The following FADS2 variants were observed in gnomAD, a reference collection of about 807,000 sequenced individuals.
FADS2 encodes the protein fatty acid desaturase 2, also known as acyl-CoA 6-desaturase.
In FADS2, 18 loss-of-function variants were observed where a neutral mutation model predicts 61.2. That is an observed-to-expected ratio of 0.29 (90% CI 0.20 to 0.44). FADS2 has a LOEUF of 0.44. Among genes scored for constraint, FADS2 ranks in the 20% least tolerant of loss-of-function variants. The pLI is 1.00. For synonymous variants in FADS2, 203 were observed against 223.9 expected, an observed-to-expected ratio of 0.91 and a Z score of 0.83; for missense variants, 322 against 572.7, an observed-to-expected ratio of 0.56 and a Z score of 4.47.
chr11:61,821,508 A>G, intron 1 of FADS2: 1 of 690,582 alleles, frequency 1.4e-6, no homozygotes, highest in East Asian at 2.7e-5. Context: ...AAAGATCCTA[A>G]ACATAATAGT....
chr11:61,825,397 C>T (rs1235898597), upstream of FADS2, among the ~76,000 whole-genome samples: 2 of 151,940 alleles, frequency 1.3e-5, no homozygotes, highest in African/African-American at 2.4e-5. Context: ...GTGGGCAGAT[C>T]ACCTGAGGTC....
At chr11:61,856,788 G>A (rs1481228288) in intron 5 of FADS2, 6 of 569,188 alleles carry the variant, frequency 1.1e-5, no homozygotes, top group African/African-American at 3.7e-5. Flanking sequence ...GCCAGTGCTC[G>A]GCTAGGGCTG....
At chr11:61,824,487 AGAGAAAGAAAGAAAG>A (rs1565325397), upstream of FADS2, among the ~76,000 whole-genome samples, 23 of 9,518 alleles carry the variant, frequency 2.4e-3, no homozygotes, top group Non-Finnish European at 0.015. Context: ...AGAGAGAGAG[AGAGAAAGAAAGAAAG>A]GAAAGAAAGA....
Position 61,816,271 on chromosome 11 carries a change from G to A in FADS2, c.-15G>A, listed in dbSNP as rs772868674. On this transcript the variant is annotated 5_prime_UTR_variant, in exon 1 of 12. Coordinates refer to the FADS2 transcript ENST00000257261. This position sits in a 1 kb window ranked among gnomAD's most constrained non-coding sequence, Gnocchi z 7.0. ...GTCCCCGCCCAGAGACCTGAGGCTCGGGGCTGCAGATGGAATGCACGGCAG... is the reference window on the plus strand; with the variant it reads ...GTCCCCGCCCAGAGACCTGAGGCTCAGGGCTGCAGATGGAATGCACGGCAG... 5.6e-6 allele frequency: 9 copies of A among 1,598,046 alleles called. No homozygotes were observed. The African/African-American group carries it at 1.2e-4, about 21-fold the overall frequency.
At chr11:61,819,019 C>T (rs953858005) in intron 1 of FADS2, among the ~76,000 whole-genome samples, 4 of 151,880 alleles carry the variant, frequency 2.6e-5, no homozygotes, top group African/African-American at 9.7e-5. Context: ...TACAGGTGCC[C>T]GCCACCACGC....
chr11:61,824,475 AGAG>A (rs2067060959), upstream of FADS2, among the ~76,000 whole-genome samples: 1 of 6,534 alleles, frequency 1.5e-4, no homozygotes, highest in African/African-American at 1.8e-4. Context: ...AGAGAGAGAG[AGAG>A]AGAGAGAGAG....
rs1294474099 is a variant in FADS2 at position 61,865,091 on chromosome 11, G to A, written c.1158-61G>A. On this transcript the variant is annotated intron_variant, in intron 10 of 11. Transcript: ENST00000278840. The surrounding 1 kb of genome is among the most constrained non-coding windows in gnomAD (Gnocchi z 4.1). ...CCAGCCTCTGCCCAGGTGGTGGGAGGAAGCGGGAGCAGCATGGCCCTCTGA... is the reference window on the plus strand; with the variant it reads ...CCAGCCTCTGCCCAGGTGGTGGGAGAAAGCGGGAGCAGCATGGCCCTCTGA... The A allele has an allele frequency of 2.7e-5, 42 of 1,565,414 alleles. No homozygotes were observed. Among genetic ancestry groups the A allele is most frequent in the Non-Finnish European group, 3.4e-5 (39 of 1,151,446 alleles).
Position 61,834,981 on chromosome 11 carries a change from GCCC to G in FADS2, c.208-2792_208-2790del, listed in dbSNP as rs200730508. On this transcript the variant is annotated intron_variant, in intron 1 of 11. Transcript: ENST00000278840. ...CGCACCCTGGGCCTCCTCCCTGCCT[GCCC>G]CCCCACCCCAGCCCTCCTCCCTGCC... Among the ~76,000 whole-genome samples, 4 of 107,856 alleles carry G rather than the reference GCCC, an allele frequency of 3.7e-5. No homozygotes were observed. The East Asian group carries it at 1.4e-3, about 39-fold the overall frequency. The allele number at this position is 107,856 out of a possible 152,430, so 70.8% of individuals were successfully genotyped here.
chr11:61,820,848 C>T (rs561263990), intron 1 of FADS2, among the ~76,000 whole-genome samples: 40 of 152,056 alleles, frequency 2.6e-4, no homozygotes, highest in Admixed American at 6.5e-4. Flanking sequence ...TGCAGTGAGC[C>T]GAGATTGCAC....
chr11:61,844,065 A>C, intron 4 of FADS2, among the ~76,000 whole-genome samples: 1 of 152,248 alleles, frequency 6.6e-6, no homozygotes, highest in Non-Finnish European at 1.5e-5. Flanking sequence ...GAAATGGAAA[A>C]ACATGCAACC....
intron 7 of FADS2, 67 bp from the exon 8 acceptor site, chr11:61,862,905 G>A (rs2067430167): frequency 1.7e-5 from 22 of 1,263,852 alleles, no homozygotes; most frequent in Non-Finnish European, 2.4e-5. Context: ...GTGCACATCT[G>A]GGGCACGCAC....
upstream of FADS2, chr11:61,826,188 A>T (rs2067083865): frequency 1.4e-6 from 1 of 702,364 alleles, no homozygotes; most frequent in Non-Finnish European, 2.6e-6. Context: ...GCTTTTCTCA[A>T]TTTGAGCCCC....
At chr11:61,840,930 C>G (rs1319740087) in intron 4 of FADS2, among the ~76,000 whole-genome samples, 1 of 152,204 alleles carries the variant, frequency 6.6e-6, no homozygotes. Flanking sequence ...TGGTGTACTA[C>G]TCATTATGAA....
In FADS2 at chr11:61,863,795, G is replaced by A. The variant is rs766364546; in HGVS notation, c.1157+9G>A. 16 of 1,611,888 alleles carry A rather than the reference G, an allele frequency of 9.9e-6. No individual in the cohort carries two copies. The highest frequency in any genetic ancestry group is 3.3e-5 in the Admixed American group (2 of 60,000). ...TTCCAGATTGAGCACCAGTGAGCGC[G>A]GGGCTGCGGGGAGGCGGGGAGACCC... is the stretch of plus-strand genomic sequence containing the variant. On this transcript the variant is annotated intron_variant, in intron 10 of 11. Coordinates refer to ENST00000278840, the MANE Select transcript of FADS2 (RefSeq NM_004265.4).
At chr11:61,843,355 G>C (rs2135963735) in intron 4 of FADS2, among the ~76,000 whole-genome samples, 1 of 152,332 alleles carries the variant, frequency 6.6e-6, no homozygotes, top group East Asian at 1.9e-4. Flanking sequence ...GCTTGAGCCT[G>C]GGATTTGAAG....
At chr11:61,831,552 T>C (rs974335385) in intron 1 of FADS2, among the ~76,000 whole-genome samples, 1 of 152,122 alleles carries the variant, frequency 6.6e-6, no homozygotes, top group African/African-American at 2.4e-5. Context: ...TCAAGATCCA[T>C]CTCCCTAGAA....
In FADS2 at chr11:61,840,619, C is replaced by T. The variant is rs2067211296; in HGVS notation, c.517-5C>T. ...GTGACAGCACGTGTGACCCTCTCTC[C>T]CCAGGCCCAAGCTGGATGGCTGCAA... On this transcript the variant is annotated splice_polypyrimidine_tract_variant and splice_region_variant and intron_variant, in intron 3 of 11. Transcript: ENST00000278840. 1 of 1,614,140 alleles carries T rather than the reference C, an allele frequency of 6.2e-7. No individual in the cohort carries two copies. The highest frequency in any genetic ancestry group is 2.2e-5 in the East Asian group (1 of 44,878).
chr11:61,854,873 C>T (rs2067341800), intron 5 of FADS2: 1 of 152,270 alleles, frequency 6.6e-6, no homozygotes, highest in Admixed American at 6.5e-5. Context: ...GCATTTTGCT[C>T]ACCGTCCCAC....
At chr11:61,864,058 A>T in intron 10 of FADS2, 1 of 455,690 alleles carries the variant, frequency 2.2e-6, no homozygotes, top group Non-Finnish European at 4.0e-6. Context: ...GGGACTTTGT[A>T]GTTATGGAGC....
Sources: gnomAD v4.1 joint callset for allele counts (sites outside exome capture counted in the v4.1 genomes callset) on GRCh38, gnomAD v4.1.1 for gene constraint, Gnocchi (gnomAD v3.1) non-coding constraint, MANE v1.5 for transcripts, NCBI Gene and HGNC (gene_info 2026-07-23, HGNC 2026-07-21) for gene names.